Variants in PIK3CD observed in about 807,000 individuals in gnomAD.
PIK3CD encodes phosphatidylinositol-4,5-bisphosphate 3-kinase catalytic subunit delta, also known as phosphatidylinositol 4,5-bisphosphate 3-kinase catalytic subunit delta isoform.
In PIK3CD, 20 loss-of-function variants were observed where a neutral mutation model predicts 122.9. The ratio of observed to expected loss-of-function variants is 0.16; its 90% CI spans 0.11 to 0.24. The LOEUF (loss-of-function observed/expected upper bound fraction) is 0.24. PIK3CD is among the 10% of genes least tolerant of loss of function. The pLI, the probability that PIK3CD is intolerant of heterozygous loss-of-function variation, is 1.00. For synonymous variants in PIK3CD, 596 were observed against 593.4 expected, an observed-to-expected ratio of 1.00 and a Z score of -0.06; for missense variants, 787 against 1,406.3, an observed-to-expected ratio of 0.56 and a Z score of 7.04.
rs1365831766 is a variant in PIK3CD, at chr1:9,667,775, C to T, written c.-138+15973C>T. On this transcript the variant is annotated intron_variant, in intron 1 of 23. Transcript: ENST00000377346. ...TTTTTGAGATAGGGTCTCACTCTGT[C>T]GCCCACACTGGAGTGCACTGGAGCA... 3.4e-5 allele frequency among the ~76,000 whole-genome samples: 5 copies of T among 145,792 alleles called. No homozygotes were observed. The South Asian group carries it at 6.5e-4, about 19-fold the overall frequency.
At chr1:9,667,377 G>A (rs1014459702) in intron 1 of PIK3CD, among the ~76,000 whole-genome samples, 1 of 151,260 alleles carries the variant, frequency 6.6e-6, no homozygotes, top group Non-Finnish European at 1.5e-5. Flanking sequence ...AATATTGAAA[G>A]AATTTTTTTT....
Position 9,717,014 on chromosome 1 carries a change from C to A in PIK3CD, c.836C>A (p.Ser279Tyr). Residue 279 changes from serine (S) to tyrosine (Y), a missense_variant, in exon 7 of 24, where the codon TCC (serine) becomes TAC (tyrosine). Ser to Tyr is a moderately radical substitution (Grantham distance 144). This residue lies in a region of PIK3CD where 592 missense variants were observed against 920.6 expected (regional missense o/e 0.64). Coordinates refer to ENST00000377346, the MANE Select transcript of PIK3CD (RefSeq NM_005026.5). This position sits in a 1 kb window ranked among gnomAD's most constrained non-coding sequence, Gnocchi z 5.4. Reference sequence around the variant, plus strand: ...ACCCCTCACCTGACCATGGTCCATTCCTCCTCCATCCTCGCCATGCGGGAT... The same window carrying A: ...ACCCCTCACCTGACCATGGTCCATTACTCCTCCATCCTCGCCATGCGGGAT... ...GLTPHLTMVH[S>Y]SSILAMRDEQ... The A allele has an allele frequency of 6.2e-7, 1 of 1,613,932 alleles. No individual in the cohort carries two copies. The highest frequency in any genetic ancestry group is 8.5e-7 in the Non-Finnish European group (1 of 1,180,002).
chr1:9,649,678 T>C (rs1214449689), upstream of PIK3CD, among the ~76,000 whole-genome samples: 1 of 152,130 alleles, frequency 6.6e-6, no homozygotes, highest in African/African-American at 2.4e-5. Context: ...CTGCTTTACT[T>C]CCCAGGCTGG....
the PIK3CD span, among the ~76,000 whole-genome samples, chr1:9,644,995 G>A: frequency 6.8e-6 from 1 of 147,970 alleles, no homozygotes; most frequent in Admixed American, 6.7e-5. Flanking sequence ...AGATCTCCAG[G>A]CCTATTTTTC....
intron 1 of PIK3CD, among the ~76,000 whole-genome samples, chr1:9,673,671 G>A (rs570866533): frequency 2.6e-5 from 4 of 152,132 alleles, no homozygotes; most frequent in Non-Finnish European, 4.4e-5. Context: ...CCGAAGTGCC[G>A]GAATTGCAGA....
At chr1:9,709,187 G>A (rs1646955884) in intron 2 of PIK3CD, among the ~76,000 whole-genome samples, 1 of 151,900 alleles carries the variant, frequency 6.6e-6, no homozygotes, top group South Asian at 2.1e-4. Flanking sequence ...GTGCCACCAT[G>A]CCCGGCTAAT....
At chr1:9,658,521 ATTTTTTT>A (rs1165670404) in intron 1 of PIK3CD, among the ~76,000 whole-genome samples, 6 of 91,204 alleles carry the variant, frequency 6.6e-5, no homozygotes, top group South Asian at 4.1e-4. Flanking sequence ...TCCCAGCCAC[ATTTTTTT>A]TTTTTTTTTT....
Position 9,652,552 on chromosome 1 carries a change from C to T in PIK3CD, c.-138+750C>T, listed in dbSNP as rs1439008504. 5 of 152,270 alleles carry T rather than the reference C, an allele frequency of 3.3e-5. No homozygotes were observed. Among genetic ancestry groups the T allele is most frequent in the African/African-American group, 1.2e-4 (5 of 41,478 alleles). 9.4% of individuals were successfully genotyped at this position (152,270 alleles called of 1,614,324 possible). ...CGGGGTTACGCCGGCAAAACCGCCC[C>T]CAGCTTTGCATTTCCGGACTTTTTA... On this transcript the variant is annotated intron_variant, in intron 1 of 23. Transcript: ENST00000377346. The surrounding 1 kb of genome is among the most constrained non-coding windows in gnomAD (Gnocchi z 6.2).
intron 1 of PIK3CD, 36 bp downstream of exon 1, chr1:9,651,838 G>A (rs1489745459): frequency 6.6e-6 from 1 of 152,130 alleles, no homozygotes; most frequent in Non-Finnish European, 1.5e-5. Flanking sequence ...AGGGGAGGTG[G>A]GAAGAGGACC....
chr1:9,630,635 C>G, the PIK3CD span, among the ~76,000 whole-genome samples: 3 of 152,230 alleles, frequency 2.0e-5, no homozygotes, highest in African/African-American at 7.2e-5. Context: ...AGGGCCCCTT[C>G]GGGCAAGGGG....
intron 1 of PIK3CD, among the ~76,000 whole-genome samples, chr1:9,658,440 G>A (rs938882078): frequency 6.6e-6 from 1 of 150,830 alleles, no homozygotes; most frequent in Non-Finnish European, 1.5e-5. Context: ...GCTGGGTGAG[G>A]TGGTGGTTTT....
chr1:9,717,883 T>C lies in PIK3CD; in HGVS notation c.1020+257T>C, dbSNP rs1191403896. The stretch of plus-strand genomic sequence containing the variant: ...GGGTATTTGACTTTGGTGGAGGTTA[T>C]GGGGCCAGGTTCAGCCCAGGGATCC... On this transcript the variant is annotated intron_variant, in intron 8 of 23. Transcript: ENST00000377346. The surrounding 1 kb of genome is among the most constrained non-coding windows in gnomAD (Gnocchi z 5.4). Among the ~76,000 whole-genome samples, 1 of 152,062 alleles carries C rather than the reference T, an allele frequency of 6.6e-6. No individual in the cohort carries two copies. Among genetic ancestry groups the C allele is most frequent in the Non-Finnish European group, 1.5e-5 (1 of 68,008 alleles).
At chr1:9,670,578 T>C (rs968150772) in intron 1 of PIK3CD, among the ~76,000 whole-genome samples, 2 of 152,158 alleles carry the variant, frequency 1.3e-5, no homozygotes, top group Non-Finnish European at 2.9e-5. Flanking sequence ...TGGGTTCTCA[T>C]CTGAGAATTA....
Position 9,724,097 on chromosome 1 carries a change from A to G in PIK3CD, c.2718+5A>G, listed in dbSNP as rs1449970923. 3 of 1,614,136 alleles carry G rather than the reference A, an allele frequency of 1.9e-6. No individual in the cohort carries two copies. The highest frequency in any genetic ancestry group is 2.2e-5 in the East Asian group (1 of 44,858). On this transcript the variant is annotated splice_donor_5th_base_variant and intron_variant, in intron 21 of 23. Transcript: ENST00000377346. This position sits in a 1 kb window ranked among gnomAD's most constrained non-coding sequence, Gnocchi z 7.3. ...ATGATCCGAGAGAGTGGGCAGGTAC[A>G]GGGGCTGGTGCTGGCGGCTGCTGTG...
chr1:9,722,752 T>G lies in PIK3CD; in HGVS notation c.2426+146T>G. 2.7e-6 allele frequency: 2 copies of G among 752,404 alleles called. No homozygotes were observed. The highest frequency in any genetic ancestry group is 2.3e-6 in the Non-Finnish European group (1 of 429,178). 46.6% of individuals were successfully genotyped at this position (752,404 alleles called of 1,614,324 possible). Reference sequence around the variant, plus strand: ...GGAAGACCCGGAGGCGGTTTAACTCTAGGCCAGGAGGCGGCGGGCAGCAGG... The same window carrying G: ...GGAAGACCCGGAGGCGGTTTAACTCGAGGCCAGGAGGCGGCGGGCAGCAGG... On this transcript the variant is annotated intron_variant, in intron 19 of 23. Transcript: ENST00000377346. The surrounding 1 kb of genome is among the most constrained non-coding windows in gnomAD (Gnocchi z 7.6).
upstream of PIK3CD, among the ~76,000 whole-genome samples, chr1:9,650,914 G>C (rs6540988): frequency 0.29 from 43,810 of 152,022 alleles, 7,510 homozygotes; most frequent in East Asian, 0.65. Flanking sequence ...TGCCATCATG[G>C]ATCACTGCAG....
intron 15 of PIK3CD, 72 bp downstream of exon 15, chr1:9,721,659 G>T (rs1037226056): frequency 6.2e-7 from 1 of 1,607,946 alleles, no homozygotes; most frequent in Admixed American, 1.7e-5. Context: ...CACTGGGGAC[G>T]TTTCCAGCAG....
intron 1 of PIK3CD, among the ~76,000 whole-genome samples, chr1:9,682,410 G>A (rs1327625773): frequency 2.6e-5 from 4 of 151,810 alleles, no homozygotes; most frequent in Non-Finnish European, 2.9e-5. Flanking sequence ...CTAATTTTTG[G>A]TATTTTTAGG....
At chr1:9,702,646 G>C (rs531686905) in intron 2 of PIK3CD, among the ~76,000 whole-genome samples, 2 of 148,978 alleles carry the variant, frequency 1.3e-5, no homozygotes, top group Non-Finnish European at 3.0e-5. Context: ...TCAGCCTCCC[G>C]AGTAGCTGGG....
Sources: allele counts gnomAD v4.1 joint callset (sites outside exome capture counted in the v4.1 genomes callset), GRCh38; gene constraint gnomAD v4.1.1; regional missense constraint gnomAD v4.1.1; non-coding constraint Gnocchi (gnomAD v3.1); transcripts MANE v1.5; gene names NCBI Gene and HGNC (gene_info 2026-07-23, HGNC 2026-07-21).